DUSP29: variants seen among roughly 807,000 people sequenced by gnomAD.
DUSP29 encodes the protein dual specificity phosphatase 29.
In DUSP29, 12 loss-of-function variants were observed where a neutral mutation model predicts 13.5. The ratio of observed to expected loss-of-function variants is 0.89; its 90% CI spans 0.57 to 1.44. The LOEUF (loss-of-function observed/expected upper bound fraction) is 1.44, where lower values mean the gene tolerates loss of function less well. DUSP29 is among the 40% of genes most tolerant of loss of function. The pLI is 0.00. For missense variants in DUSP29, 308 were observed against 301.1 expected, an observed-to-expected ratio of 1.02 and a Z score of -0.17; for synonymous variants, 134 against 128.7, an observed-to-expected ratio of 1.04 and a Z score of -0.28.
At chr10:75,071,106 C>T (rs868609904) in intron 1 of DUSP29, among the ~76,000 whole-genome samples, 2 of 152,192 alleles carry the variant, frequency 1.3e-5, no homozygotes, top group African/African-American at 2.4e-5. Flanking sequence ...GGCTACACCC[C>T]GAAACTCTGA....
At chr10:75,065,834 G>T (rs981909489) in intron 1 of DUSP29, among the ~76,000 whole-genome samples, 2 of 151,956 alleles carry the variant, frequency 1.3e-5, no homozygotes. Flanking sequence ...AGGACTGCAG[G>T]CATGTGCCAC....
At chr10:75,060,635 A>G (rs1847068812) in intron 1 of DUSP29, among the ~76,000 whole-genome samples, 1 of 152,240 alleles carries the variant, frequency 6.6e-6, no homozygotes, top group South Asian at 2.1e-4. Flanking sequence ...GTTCTTTTAT[A>G]GAAGTATTCC....
intron 2 of DUSP29, among the ~76,000 whole-genome samples, chr10:75,045,095 G>T (rs978821891): frequency 6.6e-6 from 1 of 152,230 alleles, no homozygotes; most frequent in Non-Finnish European, 1.5e-5. Context: ...AATGGCTCAC[G>T]CCTATAATCC....
At chr10:75,062,724 TC>T (rs1847117972) in intron 1 of DUSP29, among the ~76,000 whole-genome samples, 1 of 152,186 alleles carries the variant, frequency 6.6e-6, no homozygotes, top group African/African-American at 2.4e-5. Flanking sequence ...AGCATCTGTT[TC>T]CCAGATCACA....
In DUSP29 at chr10:75,073,522, C is replaced by T. The variant is rs143955184; in HGVS notation, c.-35+47G>A. ...CCCACACCCAGGCCCCCAAAGAACA[C>T]GTGGGTGAACCCAAGGGGTGCCGGC... On this transcript the variant is annotated intron_variant, in intron 1 of 3. Coordinates refer to ENST00000338487, the MANE Select transcript of DUSP29 (RefSeq NM_001003892.3). 2.5e-3 allele frequency among the ~76,000 whole-genome samples: 387 copies of T among 152,332 alleles called. 1 individual carries two copies. The highest frequency in any genetic ancestry group is 8.3e-3 in the African/African-American group (344 of 41,578).
chr10:75,047,061 C>T (rs771946118), intron 2 of DUSP29, among the ~76,000 whole-genome samples: 9 of 152,200 alleles, frequency 5.9e-5, no homozygotes, highest in Admixed American at 3.3e-4. Flanking sequence ...CTGACACCTC[C>T]ATATCCACCA....
intron 2 of DUSP29, among the ~76,000 whole-genome samples, chr10:75,045,387 TAGTGA>T (rs1846684921): frequency 6.8e-6 from 1 of 146,068 alleles, no homozygotes; most frequent in Non-Finnish European, 1.5e-5. Flanking sequence ...AAGAACAGGT[TAGTGA>T]AGTTCCCTCA....
Position 75,043,745 on chromosome 10 carries a change from G to A in DUSP29, c.421+52C>T. On this transcript the variant is annotated intron_variant, in intron 3 of 3. Transcript: ENST00000338487. ...GGGGCCTAAGCTACGGGCGGGGCGA[G>A]TCGGGGCGGGGCGGGGCGGGGCCGA... The A allele has an allele frequency of 6.0e-6, 9 of 1,498,522 alleles. No homozygotes were observed. In the South Asian group the frequency reaches 1.1e-4, roughly 18 times the overall value. 92.8% of individuals were successfully genotyped at this position (1,498,522 alleles called of 1,614,324 possible). A position where few individuals can be genotyped will look rare whatever the true frequency, so the allele number is the denominator to read the frequency against.
chr10:75,060,714 A>T (rs548257786), intron 1 of DUSP29, among the ~76,000 whole-genome samples: 1 of 152,346 alleles, frequency 6.6e-6, no homozygotes, highest in African/African-American at 2.4e-5. Flanking sequence ...GAGACTGAGC[A>T]TAAACTGCCA....
At chr10:75,055,464 CATT>C (rs1455192465) in intron 2 of DUSP29, among the ~76,000 whole-genome samples, 1 of 152,042 alleles carries the variant, frequency 6.6e-6, no homozygotes, top group African/African-American at 2.4e-5. Flanking sequence ...ACCTGGAAAA[CATT>C]ATACAAAGTA....
At chr10:75,042,659 TG>T (rs60466143) in intron 3 of DUSP29, among the ~76,000 whole-genome samples, 35 of 152,368 alleles carry the variant, frequency 2.3e-4, no homozygotes, top group African/African-American at 7.9e-4. Context: ...TGGTTGGCTG[TG>T]GGGCCAGGGC....
At chr10:75,058,698 C>T (rs940878709) in intron 1 of DUSP29, among the ~76,000 whole-genome samples, 150 bp from the exon 2 acceptor site, 3 of 152,184 alleles carry the variant, frequency 2.0e-5, no homozygotes, top group Non-Finnish European at 4.4e-5. Flanking sequence ...TCCCAGGCCA[C>T]ACAGGTAAAC....
intron 2 of DUSP29, among the ~76,000 whole-genome samples, chr10:75,044,810 G>A (rs1307325330): frequency 6.6e-6 from 1 of 152,264 alleles, no homozygotes; most frequent in South Asian, 2.1e-4. Flanking sequence ...GAGGAAACAC[G>A]GGTTCTTCCT....
chr10:75,065,658 G>A (rs1030674511), intron 1 of DUSP29, among the ~76,000 whole-genome samples: 1 of 151,660 alleles, frequency 6.6e-6, no homozygotes, highest in African/African-American at 2.4e-5. Flanking sequence ...CCACATACAG[G>A]CTTCTTGCTT....
intron 1 of DUSP29, among the ~76,000 whole-genome samples, chr10:75,069,511 C>T (rs1248663730): frequency 6.6e-6 from 1 of 152,186 alleles, no homozygotes; most frequent in African/African-American, 2.4e-5. Context: ...CAGGTGCAGC[C>T]CTCACCATGG....
At position 75,044,063 on chromosome 10, in the gene DUSP29, C is replaced by A. The variant is rs374283163; in HGVS notation, c.201-46G>T. The A allele has an allele frequency of 1.7e-4, 270 of 1,566,174 alleles. No individual in the cohort carries two copies. The African/African-American group carries it at 2.2e-3, about 13-fold the overall frequency. ...TCTGTGGGCGCGCGGCGCCCTGCCCCGGGTCCGGGAAACTCAGGGGCCACC... is the reference window on the plus strand; with the variant it reads ...TCTGTGGGCGCGCGGCGCCCTGCCCAGGGTCCGGGAAACTCAGGGGCCACC... On this transcript the variant is annotated intron_variant, in intron 2 of 3. Coordinates refer to ENST00000338487, the MANE Select transcript of DUSP29 (RefSeq NM_001003892.3).
intron 2 of DUSP29, among the ~76,000 whole-genome samples, chr10:75,057,278 C>T (rs1024413979): frequency 6.7e-5 from 10 of 148,562 alleles, no homozygotes; most frequent in African/African-American, 2.2e-4. Context: ...GAGACTGTCT[C>T]GAAAAAAAAA....
Position 75,043,822 on chromosome 10 carries a change from G to T in DUSP29, c.396C>A (p.Ile132=). Residue 132 remains isoleucine (I), a synonymous_variant, in exon 3 of 4, where the codon ATC becomes ATA. Transcript: ENST00000338487. ...SVFFYPAAAF[I]DRALSDDHSK... is the part of the protein sequence containing the mutation. ...TGTGGTCGTCGCTTAGCGCTCTGTC[G>T]ATGAAGGCTGCCGCCGGGTAGAAGA... 1 of 1,613,644 alleles carries T rather than the reference G, an allele frequency of 6.2e-7. No individual in the cohort carries two copies. Among genetic ancestry groups the T allele is most frequent in the Non-Finnish European group, 8.5e-7 (1 of 1,179,908 alleles).
At position 75,055,220 on chromosome 10, in the gene DUSP29, C is replaced by CT. The variant is rs771862316; in HGVS notation, c.200+3094dup. Among the ~76,000 whole-genome samples the CT allele has an allele frequency of 9.7e-3, 1,413 of 145,400 alleles. 7 individuals carry two copies. The highest frequency in any genetic ancestry group is 0.019 in the African/African-American group (768 of 39,944). ...AAAAGACTAGAGATGTCAGTCCCTC[C>CT]TTTTTTTTTTTGCTACTTCAAACAG... is the stretch of plus-strand genomic sequence containing the variant. On this transcript the variant is annotated intron_variant, in intron 2 of 3. Coordinates refer to ENST00000338487, the MANE Select transcript of DUSP29 (RefSeq NM_001003892.3).
Sources: allele counts gnomAD v4.1 joint callset (sites outside exome capture counted in the v4.1 genomes callset), GRCh38; gene constraint gnomAD v4.1.1; transcripts MANE v1.5; gene names NCBI Gene and HGNC (gene_info 2026-07-23, HGNC 2026-07-21).